FAM227B: variants seen among roughly 807,000 people sequenced by gnomAD.
The protein encoded by FAM227B is protein FAM227B.
FAM227B carries 88 observed loss-of-function variants against 73.8 expected under a neutral mutation model. The observed-to-expected ratio is 1.19, with a 90% CI of 1.00 to 1.42. The LOEUF (loss-of-function observed/expected upper bound fraction) is 1.42, where lower values mean the gene tolerates loss of function less well. Among genes scored for constraint, FAM227B ranks in the 40% most tolerant of loss-of-function variants. The probability of loss-of-function intolerance (pLI) is 0.00; values close to 1 mark genes in which losing one functional copy is unlikely to be tolerated. For missense variants in FAM227B, 632 were observed against 590.9 expected (o/e 1.07, Z -0.72); for synonymous variants, 210 against 190.5 (o/e 1.10, Z -0.84).
At chr15:49,550,291 G>A (rs1318908072) in intron 9 of FAM227B, among the ~76,000 whole-genome samples, 10 of 140,132 alleles carry the variant, frequency 7.1e-5, no homozygotes, top group African/African-American at 2.7e-4. Flanking sequence ...GCCGGGCAGA[G>A]GCGCCCCTCA....
chr15:49,487,016 G>A (rs970907662), intron 11 of FAM227B: 1 of 151,776 alleles, frequency 6.6e-6, no homozygotes, highest in Non-Finnish European at 1.5e-5. Flanking sequence ...TCTACTCTTC[G>A]ATTATTAGTA....
intron 11 of FAM227B, among the ~76,000 whole-genome samples, chr15:49,458,221 C>G (rs2053487990): frequency 6.6e-6 from 1 of 151,840 alleles, no homozygotes; most frequent in Non-Finnish European, 1.5e-5. Context: ...GTACCAATGA[C>G]AATAGATTTT....
intron 3 of FAM227B, among the ~76,000 whole-genome samples, chr15:49,593,837 G>A (rs1243647359): frequency 7.2e-5 from 11 of 152,142 alleles, no homozygotes; most frequent in Admixed American, 7.2e-4. Context: ...TGTTGATTGG[G>A]CATTTGGGCT....
intron 9 of FAM227B, among the ~76,000 whole-genome samples, chr15:49,549,922 C>T (rs1259187612): frequency 7.8e-6 from 1 of 128,824 alleles, no homozygotes; most frequent in East Asian, 2.2e-4. Context: ...CTGACCCCCC[C>T]CACCTCCCTC....
chr15:49,558,775 C>T (rs192406611), intron 9 of FAM227B, among the ~76,000 whole-genome samples: 3 of 152,248 alleles, frequency 2.0e-5, no homozygotes, highest in East Asian at 1.9e-4. Flanking sequence ...TGCAAGCCAT[C>T]GAGGAGCCTG....
At chr15:49,468,079 T>C (rs1329119162) in intron 11 of FAM227B, among the ~76,000 whole-genome samples, 1 of 152,216 alleles carries the variant, frequency 6.6e-6, no homozygotes, top group Non-Finnish European at 1.5e-5. Context: ...TTGTACCACA[T>C]GCTGATGTAC....
At chr15:49,353,303 G>GTTT (rs760093367) in intron 13 of FAM227B, among the ~76,000 whole-genome samples, 9 of 152,080 alleles carry the variant, frequency 5.9e-5, no homozygotes, top group Non-Finnish European at 1.0e-4. Context: ...GCAATCAAGG[G>GTTT]TTTTATGTTT....
chr15:49,356,445 T>C (rs955045736), intron 13 of FAM227B, among the ~76,000 whole-genome samples: 18 of 150,932 alleles, frequency 1.2e-4, no homozygotes, highest in Admixed American at 4.0e-4. Flanking sequence ...CAGTCTCTGA[T>C]ACAACAGACT....
chr15:49,608,096 TGG>T (rs2077640319), intron 3 of FAM227B, among the ~76,000 whole-genome samples: 2 of 152,158 alleles, frequency 1.3e-5, no homozygotes, highest in Non-Finnish European at 2.9e-5. Flanking sequence ...CCAGAGTCTA[TGG>T]TGATTATATT....
chr15:49,343,936 T>A (rs953675127), intron 13 of FAM227B: 4 of 152,198 alleles, frequency 2.6e-5, no homozygotes, highest in African/African-American at 9.6e-5. Flanking sequence ...TATTTAAAAA[T>A]AAAACATCCT....
chr15:49,356,345 T>C (rs968746211), intron 13 of FAM227B, among the ~76,000 whole-genome samples: 100 of 150,222 alleles, frequency 6.7e-4, no homozygotes, highest in African/African-American at 2.2e-3. Context: ...ACCCATCTCA[T>C]GTGCAGAGAC....
intron 11 of FAM227B, among the ~76,000 whole-genome samples, chr15:49,382,767 G>A (rs1023467810): frequency 6.6e-6 from 1 of 151,992 alleles, no homozygotes; most frequent in Non-Finnish European, 1.5e-5. Context: ...CTTGTTACTA[G>A]GGTAAGATGG....
intron 11 of FAM227B, among the ~76,000 whole-genome samples, chr15:49,441,754 AATT>A (rs1479531999): frequency 5.9e-5 from 9 of 151,522 alleles, no homozygotes; most frequent in Non-Finnish European, 1.2e-4. Context: ...ACATTTTCAT[AATT>A]ATTATTCTTA....
At chr15:49,599,438 A>G (rs1307441241) in intron 3 of FAM227B, among the ~76,000 whole-genome samples, 1 of 151,580 alleles carries the variant, frequency 6.6e-6, no homozygotes, top group African/African-American at 2.4e-5. Flanking sequence ...CTCTCCATTT[A>G]TTTCTGCTCT....
At chr15:49,495,556 C>A (rs2057525990) in intron 11 of FAM227B, among the ~76,000 whole-genome samples, 1 of 152,148 alleles carries the variant, frequency 6.6e-6, no homozygotes, top group Admixed American at 6.5e-5. Flanking sequence ...TTCCTCACTC[C>A]TTAGCTGTGC....
chr15:49,503,102 G>A (rs958796672), intron 11 of FAM227B, among the ~76,000 whole-genome samples: 3 of 152,162 alleles, frequency 2.0e-5, no homozygotes, highest in Non-Finnish European at 2.9e-5. Context: ...ACAGAACAGA[G>A]CCCTCAGAAA....
intron 11 of FAM227B, among the ~76,000 whole-genome samples, chr15:49,448,655 A>T (rs984472993): frequency 6.6e-6 from 1 of 151,098 alleles, no homozygotes; most frequent in African/African-American, 2.4e-5. Flanking sequence ...CTATTTTTTG[A>T]TGAACATCCA....
At chr15:49,511,334 A>G (rs2058983441) in intron 10 of FAM227B, among the ~76,000 whole-genome samples, 2 of 151,608 alleles carry the variant, frequency 1.3e-5, no homozygotes, top group South Asian at 2.1e-4. Flanking sequence ...CTATCATCTT[A>G]TATATTTTGA....
At chr15:49,480,267 G>A (rs1445068808) in intron 11 of FAM227B, among the ~76,000 whole-genome samples, 2 of 151,974 alleles carry the variant, frequency 1.3e-5, no homozygotes, top group African/African-American at 4.8e-5. Context: ...CCTAATATGT[G>A]GAGGGATAAG....
Sources: allele counts gnomAD v4.1 joint callset (sites outside exome capture counted in the v4.1 genomes callset), GRCh38; gene constraint gnomAD v4.1.1; transcripts MANE v1.5; gene names NCBI Gene and HGNC (gene_info 2026-07-23, HGNC 2026-07-21).